Variants in IMMP2L observed in about 807,000 individuals in gnomAD.
IMMP2L encodes the protein inner mitochondrial membrane peptidase subunit 2, also known as mitochondrial inner membrane protease subunit 2.
IMMP2L carries 18 observed loss-of-function variants against 19.3 expected under a neutral mutation model. The ratio of observed to expected loss-of-function variants is 0.93; its 90% CI spans 0.64 to 1.38. IMMP2L has a LOEUF of 1.38. Among genes scored for constraint, IMMP2L ranks in the 40% most tolerant of loss-of-function variants. The pLI is 0.00. For missense variants in IMMP2L, 233 were observed against 218.2 expected, an observed-to-expected ratio of 1.07 and a Z score of -0.43; for synonymous variants, 76 against 73.0, an observed-to-expected ratio of 1.04 and a Z score of -0.21.
intron 5 of IMMP2L, among the ~76,000 whole-genome samples, chr7:110,804,073 T>G (rs1318148715): frequency 6.6e-6 from 1 of 152,024 alleles, no homozygotes; most frequent in Non-Finnish European, 1.5e-5. Flanking sequence ...ACATCTAACT[T>G]CTTAATTGTG....
intron 3 of IMMP2L, among the ~76,000 whole-genome samples, chr7:111,069,210 C>T (rs901810988): frequency 6.6e-5 from 10 of 152,164 alleles, no homozygotes; most frequent in African/African-American, 2.2e-4. Context: ...CTGGTGATGA[C>T]TGCTGGGCAT....
chr7:111,477,635 A>T (rs1585265448), intron 3 of IMMP2L, among the ~76,000 whole-genome samples: 1 of 152,104 alleles, frequency 6.6e-6, no homozygotes, highest in South Asian at 2.1e-4. Flanking sequence ...ACAGTGGCTC[A>T]TGCCTGTAAT....
intron 3 of IMMP2L, among the ~76,000 whole-genome samples, chr7:111,395,638 G>T (rs1010085003): frequency 6.6e-6 from 1 of 151,810 alleles, no homozygotes; most frequent in Non-Finnish European, 1.5e-5. Context: ...TTTGCCTTTC[G>T]CCCATTTAAG....
chr7:111,364,525 C>T (rs886631797), intron 3 of IMMP2L, among the ~76,000 whole-genome samples: 1 of 151,538 alleles, frequency 6.6e-6, no homozygotes, highest in African/African-American at 2.4e-5. Context: ...GTCCCAGCTA[C>T]TCGGCAGGCT....
At chr7:111,280,022 G>C (rs1224017999) in intron 3 of IMMP2L, among the ~76,000 whole-genome samples, 1 of 151,932 alleles carries the variant, frequency 6.6e-6, no homozygotes, top group Non-Finnish European at 1.5e-5. Flanking sequence ...AATAAGCCAG[G>C]ATTTATCTAT....
Position 110,941,438 on chromosome 7 carries a change from C to A in IMMP2L, c.305+22062G>T, listed in dbSNP as rs182429589. On this transcript the variant is annotated intron_variant, in intron 4 of 5. Coordinates refer to ENST00000405709, the MANE Select transcript of IMMP2L (RefSeq NM_032549.4). ...CAGTATCTGTGATCCTTTTGCTTTA[C>A]ACAAACAAAAGACATCTCTTCAGTT... 6.6e-5 allele frequency among the ~76,000 whole-genome samples: 10 copies of A among 152,282 alleles called. No individual in the cohort carries two copies. The East Asian group carries it at 1.9e-3, about 29-fold the overall frequency.
At chr7:110,888,930 C>A (rs1477742671) in intron 4 of IMMP2L, among the ~76,000 whole-genome samples, 1 of 151,974 alleles carries the variant, frequency 6.6e-6, no homozygotes, top group Non-Finnish European at 1.5e-5. Context: ...AAATGAATGA[C>A]CAAATGAATG....
At chr7:111,144,697 G>C (rs1008751405) in intron 3 of IMMP2L, among the ~76,000 whole-genome samples, 5 of 152,074 alleles carry the variant, frequency 3.3e-5, no homozygotes, top group African/African-American at 1.2e-4. Flanking sequence ...TAAGTGAATG[G>C]ATTACAATGA....
chr7:111,464,995 T>A (rs563656420), intron 3 of IMMP2L, among the ~76,000 whole-genome samples: 24 of 152,246 alleles, frequency 1.6e-4, no homozygotes, highest in African/African-American at 5.3e-4. Context: ...GGTTTCACCG[T>A]GTTAGCCAGG....
intron 3 of IMMP2L, among the ~76,000 whole-genome samples, chr7:111,326,978 A>G (rs773245089): frequency 1.9e-4 from 29 of 151,928 alleles, no homozygotes; most frequent in Non-Finnish European, 3.8e-4. Context: ...CCATCAATAG[A>G]TGAAAGGATA....
intron 3 of IMMP2L, among the ~76,000 whole-genome samples, chr7:111,090,585 A>G (rs1030973130): frequency 4.0e-5 from 6 of 151,738 alleles, no homozygotes; most frequent in Non-Finnish European, 8.8e-5. Context: ...AAATCTGGTC[A>G]ATCCAGACAA....
At chr7:111,385,912 C>T (rs896920498) in intron 3 of IMMP2L, among the ~76,000 whole-genome samples, 1 of 151,734 alleles carries the variant, frequency 6.6e-6, no homozygotes, top group African/African-American at 2.4e-5. Flanking sequence ...CTACCAATTG[C>T]TCCACATGAA....
intron 3 of IMMP2L, among the ~76,000 whole-genome samples, chr7:111,451,157 T>C (rs1021639560): frequency 4.1e-5 from 6 of 145,192 alleles, no homozygotes; most frequent in East Asian, 2.0e-4. Context: ...TGTGGCGATT[T>C]CTCAGGGATC....
At chr7:111,284,475 A>T (rs1305925441) in intron 3 of IMMP2L, among the ~76,000 whole-genome samples, 1 of 152,146 alleles carries the variant, frequency 6.6e-6, no homozygotes. Context: ...AAATGTATTT[A>T]GTTCATGGAA....
At position 110,877,521 on chromosome 7, in the gene IMMP2L, C is replaced by CA. The variant is rs1192096408; in HGVS notation, c.408+9071dup. Among the ~76,000 whole-genome samples, 2 of 152,182 alleles carry CA rather than the reference C, an allele frequency of 1.3e-5. No individual in the cohort carries two copies. The highest frequency in any genetic ancestry group is 4.8e-5 in the African/African-American group (2 of 41,548). On this transcript the variant is annotated intron_variant, in intron 5 of 5. Transcript: ENST00000405709. This position sits in a 1 kb window ranked among gnomAD's most constrained non-coding sequence, Gnocchi z 4.0. ...CAGCCTGTGCCAAAATACAAAAATG[C>CA]AAAACCAAATGGTGAATTTATGGAA...
At position 110,766,062 on chromosome 7, in the gene IMMP2L, C is replaced by T. The variant is rs146080724; in HGVS notation, c.409-102341G>A. On this transcript the variant is annotated intron_variant, in intron 5 of 5. Coordinates refer to ENST00000405709, the MANE Select transcript of IMMP2L (RefSeq NM_032549.4). ...TCATGTGGCTATAATTTATTGACCACGTAATTATTAGTTCTAATGATTTAA... is the reference window on the plus strand; with the variant it reads ...TCATGTGGCTATAATTTATTGACCATGTAATTATTAGTTCTAATGATTTAA... Among the ~76,000 whole-genome samples, 15 of 152,056 alleles carry T rather than the reference C, an allele frequency of 9.9e-5. No individual in the cohort carries two copies. The East Asian group carries it at 2.1e-3, about 22-fold the overall frequency.
chr7:111,191,472 AC>A (rs1808870280), intron 3 of IMMP2L, among the ~76,000 whole-genome samples: 1 of 126,784 alleles, frequency 7.9e-6, no homozygotes, highest in African/African-American at 2.7e-5. Flanking sequence ...ACACACACAC[AC>A]AAAACTTATA....
At chr7:111,041,571 A>C (rs1791902576) in intron 3 of IMMP2L, among the ~76,000 whole-genome samples, 1 of 150,396 alleles carries the variant, frequency 6.6e-6, no homozygotes, top group African/African-American at 2.5e-5. Context: ...GTTTTCCTGA[A>C]TCTGTTCACT....
At chr7:111,321,997 A>C (rs754489074) in intron 3 of IMMP2L, among the ~76,000 whole-genome samples, 4 of 151,990 alleles carry the variant, frequency 2.6e-5, no homozygotes, top group Non-Finnish European at 5.9e-5. Flanking sequence ...GTTAAAGCCC[A>C]TAACTATTTT....
Sources: gnomAD v4.1 joint callset for allele counts (sites outside exome capture counted in the v4.1 genomes callset) on GRCh38, gnomAD v4.1.1 for gene constraint, Gnocchi (gnomAD v3.1) non-coding constraint, MANE v1.5 for transcripts, NCBI Gene and HGNC (gene_info 2026-07-23, HGNC 2026-07-21) for gene names.